The following JMJD1C variants were observed in gnomAD, a reference collection of about 807,000 sequenced individuals.
JMJD1C encodes the protein jumonji domain containing 1C, also known as jumonji domain-containing protein 1C.
JMJD1C carries 31 observed loss-of-function variants against 245.3 expected under a neutral mutation model. The ratio of observed to expected loss-of-function variants is 0.13; its 90% CI spans 0.09 to 0.17. JMJD1C has a LOEUF of 0.17. Among genes scored for constraint, JMJD1C ranks in the 10% least tolerant of loss-of-function variants. The pLI, the probability that JMJD1C is intolerant of heterozygous loss-of-function variation, is 1.00. For missense variants in JMJD1C, 2,691 were observed against 3,000.2 expected (o/e 0.90, Z 2.41); for synonymous variants, 1,057 against 1,017.4 (o/e 1.04, Z -0.74).
intron 1 of JMJD1C, among the ~76,000 whole-genome samples, chr10:63,453,135 T>C (rs1952174487): frequency 6.6e-6 from 1 of 151,822 alleles, no homozygotes; most frequent in African/African-American, 2.4e-5. Context: ...ACTGGCCGGG[T>C]GTGGTGGCAG....
intron 2 of JMJD1C, among the ~76,000 whole-genome samples, chr10:63,297,521 C>A (rs1354274060): frequency 4.6e-5 from 7 of 152,202 alleles, no homozygotes; most frequent in African/African-American, 1.7e-4. Context: ...CTGGACCCAC[C>A]AAATGGCAGG....
At chr10:63,491,264 C>G (rs1954167474) in intron 1 of JMJD1C, among the ~76,000 whole-genome samples, 1 of 152,142 alleles carries the variant, frequency 6.6e-6, no homozygotes, top group South Asian at 2.1e-4. Flanking sequence ...TCACCCCCTC[C>G]CCCAGTTATT....
At chr10:63,503,254 A>C (rs550927896) in intron 1 of JMJD1C, among the ~76,000 whole-genome samples, 24 of 152,294 alleles carry the variant, frequency 1.6e-4, no homozygotes, top group African/African-American at 5.3e-4. Context: ...CTAAAATTGT[A>C]GGTTTTTTAG....
chr10:63,208,539 C>T lies in JMJD1C; in HGVS notation c.3130G>A (p.Gly1044Ser), dbSNP rs1264412185. ...ACTCTGGAATAATTCTCTCTCTCAC[C>T]CTCAAGTCCCTTGATTTTAGTTGTA... The part of the protein sequence containing the change: ...PFTTKIKGLE[G>S]ERENYSRVAS... Residue 1044 changes from glycine to serine, a missense_variant, in exon 10 of 26, where the codon GGT becomes AGT. Around this residue, in one of 9 missense-constraint regions of JMJD1C, gnomAD observed 1,562 missense variants for 1,490.7 expected, o/e 1.05. Coordinates refer to ENST00000399262, the MANE Select transcript of JMJD1C (RefSeq NM_032776.3). 5 of 1,613,962 alleles carry T rather than the reference C, an allele frequency of 3.1e-6. No individual in the cohort carries two copies. Among genetic ancestry groups the T allele is most frequent in the Non-Finnish European group, 4.2e-6 (5 of 1,179,984 alleles).
intron 11 of JMJD1C, among the ~76,000 whole-genome samples, chr10:63,200,244 A>G (rs576998303): frequency 5.3e-4 from 80 of 152,322 alleles, no homozygotes; most frequent in African/African-American, 1.9e-3. Context: ...TAAATCTCTC[A>G]GAACAGAAAG....
chr10:63,308,449 C>T (rs12261134), intron 2 of JMJD1C, among the ~76,000 whole-genome samples: 1 of 151,924 alleles, frequency 6.6e-6, no homozygotes, highest in Admixed American at 6.6e-5. Context: ...TGGAAAGCCT[C>T]TAAATTTAAA....
At chr10:63,488,720 AT>A (rs1050803600) in intron 1 of JMJD1C, among the ~76,000 whole-genome samples, 5 of 152,160 alleles carry the variant, frequency 3.3e-5, no homozygotes, top group Non-Finnish European at 4.4e-5. Flanking sequence ...CTTTCCCATT[AT>A]TTGGCAACTG....
At chr10:63,411,104 T>C (rs1179703246) in intron 1 of JMJD1C, among the ~76,000 whole-genome samples, 1 of 152,156 alleles carries the variant, frequency 6.6e-6, no homozygotes, top group Non-Finnish European at 1.5e-5. Context: ...TCACAGATAT[T>C]ATACTGAGTG....
intron 2 of JMJD1C, among the ~76,000 whole-genome samples, chr10:63,265,172 C>T (rs1855391901): frequency 6.6e-6 from 1 of 151,568 alleles, no homozygotes; most frequent in South Asian, 2.1e-4. Flanking sequence ...GTTATTATTT[C>T]AATGTACACT....
At chr10:63,330,936 T>C (rs932864092) in intron 2 of JMJD1C, among the ~76,000 whole-genome samples, 11 of 152,178 alleles carry the variant, frequency 7.2e-5, no homozygotes, top group African/African-American at 2.7e-4. Context: ...ATATAAACTG[T>C]TCAAGGTAGG....
chr10:63,354,273 C>T (rs1167514175), intron 2 of JMJD1C, among the ~76,000 whole-genome samples: 2 of 152,190 alleles, frequency 1.3e-5, no homozygotes, highest in African/African-American at 4.8e-5. Context: ...ACTCTCTTAT[C>T]ACTAAGAGAA....
chr10:63,225,990 C>G (rs1225086488), intron 3 of JMJD1C, among the ~76,000 whole-genome samples: 1 of 151,140 alleles, frequency 6.6e-6, no homozygotes. Flanking sequence ...CCCCCACCCC[C>G]CCCTTCCCTC....
At chr10:63,361,743 A>G (rs975829612) in intron 2 of JMJD1C, among the ~76,000 whole-genome samples, 3 of 139,002 alleles carry the variant, frequency 2.2e-5, no homozygotes, top group African/African-American at 5.1e-5. Context: ...AAAAAAAAAA[A>G]AAAAGAAAAA....
chr10:63,457,224 G>A (rs974604983), intron 1 of JMJD1C, among the ~76,000 whole-genome samples: 1 of 152,186 alleles, frequency 6.6e-6, no homozygotes, highest in Non-Finnish European at 1.5e-5. Context: ...TTTAAAGGAA[G>A]AAATCTGCAG....
intron 1 of JMJD1C, among the ~76,000 whole-genome samples, chr10:63,450,243 C>T (rs1951961986): frequency 6.6e-6 from 1 of 151,436 alleles, no homozygotes; most frequent in Non-Finnish European, 1.5e-5. Context: ...CAATTAAAGC[C>T]AGGTGCAGAG....
At chr10:63,465,307 G>C (rs949980117) in intron 1 of JMJD1C, 188 bp downstream of exon 1, 2 of 645,978 alleles carry the variant, frequency 3.1e-6, no homozygotes, top group Admixed American at 6.0e-5. Context: ...ACCTCCACAG[G>C]GGAAGCCGCT....
rs1416097314 is a variant in JMJD1C, at chr10:63,484,236, G to GGATGGATGGATA, written n.113+37501_113+37502insTATCCATCCATC. 4.5e-4 allele frequency among the ~76,000 whole-genome samples: 42 copies of GGATGGATGGATA among 92,748 alleles called. 2 individuals carry two copies. The highest frequency in any genetic ancestry group is 5.6e-3 in the Middle Eastern group (1 of 178). 60.8% of individuals were successfully genotyped at this position (92,748 alleles called of 152,430 possible). On this transcript the variant is annotated intron_variant and non_coding_transcript_variant, in intron 1 of 3. Transcript: ENST00000633035. ...TGGATGGATGGATGGATGGATGGAT[G>GGATGGATGGATA]GATAGATAGATAGATAGATAGATAG...
At chr10:63,505,036 G>C (rs1269146087) in intron 1 of JMJD1C, among the ~76,000 whole-genome samples, 1 of 152,104 alleles carries the variant, frequency 6.6e-6, no homozygotes, top group African/African-American at 2.4e-5. Flanking sequence ...TCCTCAGCTG[G>C]GCACAGTGGC....
At chr10:63,420,817 G>A (rs547376850) in intron 1 of JMJD1C, among the ~76,000 whole-genome samples, 50 of 150,264 alleles carry the variant, frequency 3.3e-4, no homozygotes, top group African/African-American at 9.6e-4. Flanking sequence ...CTCTAAGAAA[G>A]TAAAAGGAAA....
Sources: allele counts gnomAD v4.1 joint callset (sites outside exome capture counted in the v4.1 genomes callset), GRCh38; gene constraint gnomAD v4.1.1; regional missense constraint gnomAD v4.1.1; transcripts MANE v1.5; gene names NCBI Gene and HGNC (gene_info 2026-07-23, HGNC 2026-07-21).